SETX: variants seen among roughly 807,000 people sequenced by gnomAD.
SETX encodes the protein helicase senataxin.
A neutral mutation model predicts 227.2 loss-of-function variants in SETX; 90 were observed. The observed-to-expected ratio is 0.40, with a 90% CI of 0.33 to 0.47. The LOEUF (loss-of-function observed/expected upper bound fraction) is 0.47, where lower values mean the gene tolerates loss of function less well. Ranked by LOEUF, SETX falls within the 20% of genes least tolerant of loss-of-function variation. The probability of loss-of-function intolerance (pLI) is 0.91; values close to 1 mark genes in which losing one functional copy is unlikely to be tolerated. For synonymous variants in SETX, 1,210 were observed against 1,113.2 expected (o/e 1.09, Z -1.73); for missense variants, 3,052 against 3,181.5 (o/e 0.96, Z 0.98).
intron 19 of SETX, 91 bp downstream of exon 19, chr9:132,283,173 C>A (rs1341953700): frequency 2.7e-4 from 361 of 1,324,896 alleles, no homozygotes; most frequent in South Asian, 1.3e-3. Flanking sequence ...AAAAAAAAAA[C>A]ACATTTCCTC....
At chr9:132,277,243 T>C in intron 21 of SETX, 91 bp from the exon 22 acceptor site, 1 of 1,154,656 alleles carries the variant, frequency 8.7e-7, no homozygotes, top group Non-Finnish European at 1.3e-6. Flanking sequence ...TGTGTGGTGA[T>C]GTGGGCTGGG....
intron 14 of SETX, 114 bp from the exon 15 acceptor site, chr9:132,296,142 T>A: frequency 7.6e-7 from 1 of 1,311,562 alleles, no homozygotes; most frequent in South Asian, 1.3e-5. Flanking sequence ...GTTCTCGTAA[T>A]AAAGTTAAAA....
chr9:132,327,790 G>A lies in SETX; in HGVS notation c.3808C>T (p.Pro1270Ser). The change falls in exon 10 of 26, where the codon CCG becomes TCG. Residue 1270 changes from proline (P) to serine (S), a missense_variant. By Grantham distance (74) the Pro-to-Ser change is moderately conservative. Coordinates refer to ENST00000224140, the MANE Select transcript of SETX (RefSeq NM_015046.7). ...LSCRTTPAIVPPKKFRQCPEP... is the reference protein window; with the variant it reads ...LSCRTTPAIVSPKKFRQCPEP... ...GGACACTGACGAAATTTCTTTGGCG[G>A]CACTATAGCAGGAGTTGTTCTACAA... The A allele has an allele frequency of 6.2e-7, 1 of 1,614,150 alleles. No individual in the cohort carries two copies. The highest frequency in any genetic ancestry group is 1.1e-5 in the South Asian group (1 of 91,080).
At chr9:132,319,093 G>A (rs1435944310) in intron 10 of SETX, among the ~76,000 whole-genome samples, 1 of 152,194 alleles carries the variant, frequency 6.6e-6, no homozygotes, top group African/African-American at 2.4e-5. Flanking sequence ...CTAACCAGAT[G>A]CTTAAGCCAA....
In SETX at chr9:132,278,244, T is replaced by C. The variant is rs747913385; in HGVS notation, c.6668A>G (p.Tyr2223Cys). 31 of 1,614,070 alleles carry C rather than the reference T, an allele frequency of 1.9e-5. No homozygotes were observed. Among genetic ancestry groups the C allele is most frequent in the Non-Finnish European group, 2.5e-5 (30 of 1,180,032 alleles). ...AGCCATCATTGACTGGTCGTAGCCA[T>C]ACTCCTGTGCTTTCTGTGAGGGGCA... is the stretch of plus-strand genomic sequence containing the variant. ...PTVISMKAQEYGYDQSMMARF... is the reference protein window; with the variant it reads ...PTVISMKAQECGYDQSMMARF... The change falls in exon 21 of 26, where the codon TAT becomes TGT. Residue 2223 changes from tyrosine to cysteine, a missense_variant. This residue lies in a region of SETX where 412 missense variants were observed against 589.0 expected (regional missense o/e 0.70). Transcript: ENST00000224140.
intron 3 of SETX, 115 bp downstream of exon 3, chr9:132,349,137 A>ACCC: frequency 9.3e-7 from 1 of 1,070,370 alleles, no homozygotes; most frequent in Non-Finnish European, 1.4e-6. Flanking sequence ...AAAAAAAAAA[A>ACCC]CCCACAAAGT....
intron 9 of SETX, 82 bp downstream of exon 9, chr9:132,330,970 T>A (rs1847186578): frequency 9.1e-7 from 1 of 1,093,246 alleles, no homozygotes; most frequent in Non-Finnish European, 1.4e-6. Context: ...TCACAAAATC[T>A]GCAACTCAAC....
intron 7 of SETX, among the ~76,000 whole-genome samples, chr9:132,334,261 C>T (rs781376450): frequency 6.6e-5 from 10 of 152,152 alleles, no homozygotes; most frequent in African/African-American, 1.4e-4. Context: ...GCCTGACCAA[C>T]GTGGTGAAAC....
intron 2 of SETX, among the ~76,000 whole-genome samples, chr9:132,352,775 G>A (rs1441430350): frequency 1.3e-5 from 2 of 152,156 alleles, no homozygotes; most frequent in East Asian, 1.9e-4. Flanking sequence ...GCACCTCAAA[G>A]TAAACATGAC....
chr9:132,308,347 C>T (rs957046010), intron 11 of SETX, among the ~76,000 whole-genome samples: 1 of 152,206 alleles, frequency 6.6e-6, no homozygotes, highest in Non-Finnish European at 1.5e-5. Context: ...AGGACAGAGA[C>T]ACATTCTAAA....
intron 13 of SETX, 62 bp from the exon 14 acceptor site, chr9:132,297,116 G>A (rs976870040): frequency 1.4e-6 from 2 of 1,433,694 alleles, no homozygotes; most frequent in African/African-American, 1.4e-5. Context: ...TTGAAAGGAA[G>A]AACATGAAAA....
intron 20 of SETX, among the ~76,000 whole-genome samples, chr9:132,280,073 G>A (rs1314894821): frequency 1.3e-5 from 2 of 152,132 alleles, no homozygotes; most frequent in Non-Finnish European, 2.9e-5. Flanking sequence ...CCTAAACAGT[G>A]CCTGAATTAT....
chr9:132,284,472 A>G (rs1482900616), intron 18 of SETX, among the ~76,000 whole-genome samples: 4 of 152,230 alleles, frequency 2.6e-5, no homozygotes, highest in Non-Finnish European at 4.4e-5. Context: ...CAAAAATACT[A>G]CTAACGTCAT....
chr9:132,312,722 G>A (rs1390619680), intron 10 of SETX, among the ~76,000 whole-genome samples: 1 of 152,128 alleles, frequency 6.6e-6, no homozygotes, highest in African/African-American at 2.4e-5. Flanking sequence ...TGATAGTCAT[G>A]ATCAGTTTGT....
At chr9:132,325,354 CAAAAAAA>C (rs962844125) in intron 10 of SETX, among the ~76,000 whole-genome samples, 1 of 149,334 alleles carries the variant, frequency 6.7e-6, no homozygotes, top group African/African-American at 2.5e-5. Context: ...AGACTCGTCT[CAAAAAAA>C]AGAAAAAAGA....
At position 132,283,264 on chromosome 9, in the gene SETX, C is replaced by A; in HGVS notation, c.6546G>T (p.Glu2182Asp). ...GVPFSCVIVDEAGQSCEIETL... is the reference protein window; with the variant it reads ...GVPFSCVIVDDAGQSCEIETL... ...GTTGTATGGCTGACCGTTCACTGAC[C>A]TCATCAACAATGACACAGCTGAAGG... is the stretch of plus-strand genomic sequence containing the variant. Residue 2182 changes from glutamate (E) to aspartate (D), a missense_variant and splice_region_variant, in exon 19 of 26, where the codon GAG becomes GAT. Physicochemically the swap from Glu to Asp is conservative, Grantham distance 45. Around this residue, in one of 10 missense-constraint regions of SETX, gnomAD observed 412 missense variants for 589.0 expected, o/e 0.70. Coordinates refer to ENST00000224140, the MANE Select transcript of SETX (RefSeq NM_015046.7). 1 of 1,614,180 alleles carries A rather than the reference C, an allele frequency of 6.2e-7. No individual in the cohort carries two copies. The highest frequency in any genetic ancestry group is 8.5e-7 in the Non-Finnish European group (1 of 1,180,034).
rs757883779 is a variant in SETX, at chr9:132,326,707, T to TCCC, written c.4888_4890dup (p.Gly1630dup). 1 of 1,614,204 alleles carries TCCC rather than the reference T, an allele frequency of 6.2e-7. No homozygotes were observed. Among genetic ancestry groups the TCCC allele is most frequent in the South Asian group, 1.1e-5 (1 of 91,084 alleles). On this transcript the variant is annotated inframe_insertion, in exon 10 of 26. Transcript: ENST00000224140. ...TGTGGTACTTTCAAAATCGACTGTA[T>TCCC]CCCCTTTGACTTATTTTTTAGAGAC...
chr9:132,279,183 A>C (rs1244270567), intron 20 of SETX, among the ~76,000 whole-genome samples: 2 of 152,128 alleles, frequency 1.3e-5, no homozygotes, highest in African/African-American at 4.8e-5. Context: ...CAGTGACCTA[A>C]GTGACAAGTG....
At chr9:132,321,912 T>C (rs1846381395) in intron 10 of SETX, among the ~76,000 whole-genome samples, 1 of 152,148 alleles carries the variant, frequency 6.6e-6, no homozygotes, top group African/African-American at 2.4e-5. Flanking sequence ...TGGGGCTTCC[T>C]AATGAAGTGC....
Sources: gnomAD v4.1 joint callset for allele counts (sites outside exome capture counted in the v4.1 genomes callset) on GRCh38, gnomAD v4.1.1 for gene constraint, gnomAD v4.1.1 regional missense constraint, MANE v1.5 for transcripts, NCBI Gene and HGNC (gene_info 2026-07-23, HGNC 2026-07-21) for gene names.